Variants in PRKCB observed in about 807,000 individuals in gnomAD.
PRKCB encodes the protein protein kinase C beta type.
Under a neutral mutation model 81.5 loss-of-function variants are expected in PRKCB, and 13 were observed. The observed-to-expected ratio is 0.16, with a 90% CI of 0.10 to 0.25. PRKCB has a LOEUF of 0.25. Ranked by LOEUF, PRKCB falls within the 10% of genes least tolerant of loss-of-function variation. The probability of loss-of-function intolerance (pLI) is 1.00; values close to 1 mark genes in which losing one functional copy is unlikely to be tolerated. For missense variants in PRKCB, 509 were observed against 875.7 expected (o/e 0.58, Z 5.29); for synonymous variants, 335 against 321.4 (o/e 1.04, Z -0.45).
At chr16:24,101,545 A>G (rs144827323) in intron 7 of PRKCB, among the ~76,000 whole-genome samples, 2 of 152,354 alleles carry the variant, frequency 1.3e-5, no homozygotes, top group African/African-American at 2.4e-5. Flanking sequence ...TCTCAAAGTA[A>G]ATAAAGAAAC....
chr16:24,183,797 C>A (rs1567405075), intron 13 of PRKCB, among the ~76,000 whole-genome samples: 1 of 152,198 alleles, frequency 6.6e-6, no homozygotes, highest in Non-Finnish European at 1.5e-5. Flanking sequence ...AGACCTCAGC[C>A]TTTAGCCTTT....
intron 2 of PRKCB, among the ~76,000 whole-genome samples, chr16:23,882,021 T>TCTTTCTTTCTTCCTTC: frequency 0.024 from 1,314 of 55,624 alleles, 76 homozygotes; most frequent in African/African-American, 0.042. Flanking sequence ...TTTCTTTCTT[T>TCTTTCTTTCTTCCTTC]CTTCCTTCCT....
At chr16:23,893,608 T>C (rs1055931678) in intron 2 of PRKCB, 1 of 152,212 alleles carries the variant, frequency 6.6e-6, no homozygotes, top group Non-Finnish European at 1.5e-5. Flanking sequence ...ATTTTTGTTA[T>C]TCCAGTATTT....
intron 5 of PRKCB, among the ~76,000 whole-genome samples, chr16:24,037,140 C>G (rs571083615): frequency 2.0e-5 from 3 of 152,142 alleles, no homozygotes; most frequent in Non-Finnish European, 4.4e-5. Context: ...AGGCGCCCAC[C>G]ACCACGCCTG....
chr16:24,120,646 C>A (rs997284416), intron 8 of PRKCB, among the ~76,000 whole-genome samples: 8 of 152,214 alleles, frequency 5.3e-5, no homozygotes, highest in Non-Finnish European at 1.2e-4. Context: ...TCTCCCTTCT[C>A]CCTTGCCCAA....
intron 16 of PRKCB, among the ~76,000 whole-genome samples, chr16:24,212,451 CT>C (rs1479023969): frequency 1.4e-4 from 11 of 79,068 alleles, no homozygotes; most frequent in African/African-American, 5.1e-4. Context: ...TCCTCCTGTG[CT>C]TTTTTTTCCT....
intron 2 of PRKCB, among the ~76,000 whole-genome samples, chr16:23,975,355 A>G (rs767828487): frequency 6.6e-6 from 1 of 152,104 alleles, no homozygotes; most frequent in African/African-American, 2.4e-5. Context: ...ACTCCTTGTC[A>G]TGTCAACAAA....
chr16:23,998,203 C>G (rs559689873), intron 3 of PRKCB, among the ~76,000 whole-genome samples: 22 of 152,242 alleles, frequency 1.4e-4, no homozygotes, highest in Middle Eastern at 3.4e-3. Flanking sequence ...AGACGTGGAC[C>G]AGGACCTACT....
intron 8 of PRKCB, among the ~76,000 whole-genome samples, chr16:24,122,791 T>A (rs1966816094): frequency 6.6e-6 from 1 of 152,170 alleles, no homozygotes; most frequent in Non-Finnish European, 1.5e-5. Context: ...CAGTTTTCTC[T>A]CTGCTAAACG....
At chr16:23,857,799 G>A (rs1962596522) in intron 2 of PRKCB, among the ~76,000 whole-genome samples, 1 of 152,146 alleles carries the variant, frequency 6.6e-6, no homozygotes, top group African/African-American at 2.4e-5. Context: ...GAGAGGCCAA[G>A]GGAATTTTCC....
At chr16:24,084,084 A>G (rs1966284875) in intron 5 of PRKCB, among the ~76,000 whole-genome samples, 1 of 152,150 alleles carries the variant, frequency 6.6e-6, no homozygotes, top group South Asian at 2.1e-4. Context: ...CAGAAAATGT[A>G]ATAAGTAATA....
chr16:23,988,400 T>C, intron 2 of PRKCB, 108 bp from the exon 3 acceptor site: 1 of 837,668 alleles, frequency 1.2e-6, no homozygotes, highest in Non-Finnish European at 1.9e-6. Flanking sequence ...ATAAAGGCTT[T>C]ACTTGTTGGT....
chr16:23,900,729 T>G (rs1009367539), intron 2 of PRKCB, among the ~76,000 whole-genome samples: 4 of 135,774 alleles, frequency 2.9e-5, no homozygotes, highest in Non-Finnish European at 3.1e-5. Flanking sequence ...TTTTTTTTTT[T>G]TTTTTTTTTT....
chr16:23,944,104 G>GTAC (rs148947738), intron 2 of PRKCB, among the ~76,000 whole-genome samples: 3,909 of 152,232 alleles, frequency 0.026, 65 homozygotes, highest in Middle Eastern at 0.085. Context: ...AAAAGCTCTA[G>GTAC]TACTGCCTGA....
At chr16:24,109,924 GC>G (rs1966650214) in intron 7 of PRKCB, among the ~76,000 whole-genome samples, 1 of 127,232 alleles carries the variant, frequency 7.9e-6, no homozygotes, top group Non-Finnish European at 1.6e-5. Flanking sequence ...GGCCAACACA[GC>G]GAAACCCCGT....
At chr16:24,002,167 G>A (rs1357627567) in intron 3 of PRKCB, among the ~76,000 whole-genome samples, 1 of 152,100 alleles carries the variant, frequency 6.6e-6, no homozygotes, top group African/African-American at 2.4e-5. Context: ...AGCCTTGCTA[G>A]CATTGACTGA....
At chr16:23,922,625 T>C (rs1229834924) in intron 2 of PRKCB, among the ~76,000 whole-genome samples, 2 of 152,222 alleles carry the variant, frequency 1.3e-5, no homozygotes, top group Non-Finnish European at 2.9e-5. Context: ...ACTGTGTTGG[T>C]CACTACAGAA....
Position 24,180,850 on chromosome 16 carries a change from T to G in PRKCB, c.1455T>G (p.Phe485Leu). The change falls in exon 13 of 17, where the codon TTT becomes TTG. Residue 485 changes from phenylalanine to leucine, a missense_variant. By Grantham distance (22) the Phe-to-Leu change is conservative. Transcript: ENST00000643927. The part of the protein sequence containing the change: ...DSEGHIKIAD[F>L]GMCKENIWDG... ...AGGGACACATCAAGATTGCCGATTTTGGCATGTGTAAGGAAAACATCTGGG... is the reference window on the plus strand; with the variant it reads ...AGGGACACATCAAGATTGCCGATTTGGGCATGTGTAAGGAAAACATCTGGG... 1 of 1,614,222 alleles carries G rather than the reference T, an allele frequency of 6.2e-7. No homozygotes were observed. The highest frequency in any genetic ancestry group is 8.5e-7 in the Non-Finnish European group (1 of 1,180,026).
Position 24,079,077 on chromosome 16 carries a change from A to G in PRKCB, c.530-13714A>G, listed in dbSNP as rs151116927. On this transcript the variant is annotated intron_variant, in intron 5 of 16. Coordinates refer to ENST00000643927, the MANE Select transcript of PRKCB (RefSeq NM_002738.7). Reference sequence around the variant, plus strand: ...CCACAAAAGAAGTGAAAATAGCCTTAACTAATGACGTTCCACCATTGTGAT... The same window carrying G: ...CCACAAAAGAAGTGAAAATAGCCTTGACTAATGACGTTCCACCATTGTGAT... Among the ~76,000 whole-genome samples the G allele has an allele frequency of 3.7e-3, 559 of 152,318 alleles. 1 individual carries two copies. Among genetic ancestry groups the G allele is most frequent in the African/African-American group, 0.012 (515 of 41,570 alleles).
Sources: allele counts gnomAD v4.1 joint callset (sites outside exome capture counted in the v4.1 genomes callset), GRCh38; gene constraint gnomAD v4.1.1; transcripts MANE v1.5; gene names NCBI Gene and HGNC (gene_info 2026-07-23, HGNC 2026-07-21).